OPRM1: variants seen among roughly 807,000 people sequenced by gnomAD.
The protein encoded by OPRM1 is opioid receptor mu 1, also known as mu-type opioid receptor.
In OPRM1, 27 loss-of-function variants were observed where a neutral mutation model predicts 31.8. The observed-to-expected ratio is 0.85, with a 90% CI of 0.63 to 1.17. The LOEUF (loss-of-function observed/expected upper bound fraction) is 1.17. OPRM1 is among the 50% of genes most tolerant of loss of function. OPRM1 has a pLI of 0.00. For missense variants in OPRM1, 536 were observed against 511.1 expected, an observed-to-expected ratio of 1.05 and a Z score of -0.47; for synonymous variants, 196 against 189.9, an observed-to-expected ratio of 1.03 and a Z score of -0.26.
chr6:154,186,897 C>T (rs1027420610), intron 3 of OPRM1, among the ~76,000 whole-genome samples: 2 of 152,122 alleles, frequency 1.3e-5, no homozygotes, highest in Non-Finnish European at 2.9e-5. Flanking sequence ...GGCACCGCTC[C>T]TCCCTGCAGA....
intron 3 of OPRM1, among the ~76,000 whole-genome samples, chr6:154,101,300 T>C (rs1304604388): frequency 6.6e-6 from 1 of 152,154 alleles, no homozygotes; most frequent in Non-Finnish European, 1.5e-5. Flanking sequence ...GGTGTTCTTA[T>C]ATTCAAAATT....
At chr6:154,066,979 C>G (rs545284939) in intron 1 of OPRM1, among the ~76,000 whole-genome samples, 1 of 152,220 alleles carries the variant, frequency 6.6e-6, no homozygotes, top group East Asian at 1.9e-4. Flanking sequence ...ATAGAACTCT[C>G]TTGTAAACAT....
chr6:154,014,438 T>C (rs1314921509), intron 1 of OPRM1, among the ~76,000 whole-genome samples: 2 of 152,062 alleles, frequency 1.3e-5, no homozygotes, highest in African/African-American at 2.4e-5. Flanking sequence ...AAAAAGTGAA[T>C]ATTAAGAGCC....
intron 3 of OPRM1, among the ~76,000 whole-genome samples, chr6:154,163,521 A>C (rs187408581): frequency 6.6e-6 from 1 of 152,274 alleles, no homozygotes; most frequent in African/African-American, 2.4e-5. Flanking sequence ...TTTAATAGTC[A>C]ATTATGTTTG....
chr6:154,070,310 G>A (rs1370763269), intron 1 of OPRM1, among the ~76,000 whole-genome samples: 1 of 152,170 alleles, frequency 6.6e-6, no homozygotes. Flanking sequence ...GCATTCCCCT[G>A]GAAGTTGCAA....
At chr6:154,033,469 G>T (rs974533172) in intron 1 of OPRM1, among the ~76,000 whole-genome samples, 1 of 152,144 alleles carries the variant, frequency 6.6e-6, no homozygotes, top group East Asian at 1.9e-4. Context: ...GAATTAAAGC[G>T]CTGGAAAAGT....
At chr6:154,191,157 A>G (rs959804828) in intron 3 of OPRM1, among the ~76,000 whole-genome samples, 3 of 152,218 alleles carry the variant, frequency 2.0e-5, no homozygotes, top group Non-Finnish European at 4.4e-5. Context: ...TACATACCAT[A>G]TAATTGCAAC....
chr6:154,149,562 A>G (rs1798441734), intron 3 of OPRM1, among the ~76,000 whole-genome samples: 2 of 151,930 alleles, frequency 1.3e-5, no homozygotes, highest in East Asian at 1.9e-4. Context: ...CTTTTGAAGC[A>G]GCTGACCTCA....
intron 3 of OPRM1, among the ~76,000 whole-genome samples, chr6:154,101,015 T>C (rs1349059318): frequency 6.6e-6 from 1 of 150,994 alleles, no homozygotes; most frequent in Non-Finnish European, 1.5e-5. Flanking sequence ...AGTAAATGAT[T>C]TATTATGATG....
At chr6:154,246,243 G>C (rs1450272184) in intron 3 of OPRM1, among the ~76,000 whole-genome samples, 1 of 152,138 alleles carries the variant, frequency 6.6e-6, no homozygotes, top group Non-Finnish European at 1.5e-5. Context: ...ACTATGTAAA[G>C]GTGCCATGTT....
At chr6:154,100,084 T>C (rs1794445158) in intron 3 of OPRM1, among the ~76,000 whole-genome samples, 1 of 105,206 alleles carries the variant, frequency 9.5e-6, no homozygotes, top group Non-Finnish European at 1.8e-5. Context: ...TATCATATTA[T>C]ATATTATCAT....
intron 1 of OPRM1, among the ~76,000 whole-genome samples, chr6:154,071,607 A>G (rs968697638): frequency 2.0e-5 from 3 of 152,382 alleles, no homozygotes; most frequent in Admixed American, 2.0e-4. Context: ...CAAAACACCC[A>G]GGGATTTCAG....
rs1020490940 is a variant in OPRM1 at position 154,123,208 on chromosome 6, C to T, written c.*4487C>T. Among the ~76,000 whole-genome samples the T allele has an allele frequency of 2.0e-5, 3 of 152,166 alleles. No homozygotes were observed. Among genetic ancestry groups the T allele is most frequent in the African/African-American group, 2.4e-5 (1 of 41,446 alleles). ...CTATCTATGCAGCTATGGGGTGTCT[C>T]TAGGCGAGCACAAAGCATAGCTTCT... On this transcript the variant is annotated 3_prime_UTR_variant, in exon 4 of 4. Transcript: ENST00000330432.
At chr6:154,185,351 C>A (rs1801245070) in intron 3 of OPRM1, among the ~76,000 whole-genome samples, 1 of 152,244 alleles carries the variant, frequency 6.6e-6, no homozygotes, top group Non-Finnish European at 1.5e-5. Flanking sequence ...CACAATGTAC[C>A]TTTCAAATAT....
chr6:154,107,984 T>C (rs1358222911), intron 3 of OPRM1: 2 of 609,136 alleles, frequency 3.3e-6, no homozygotes, highest in African/African-American at 3.8e-5. Context: ...TTTTATTTTA[T>C]TTTATTGCCA....
At chr6:154,063,998 G>T (rs1784882910) in intron 1 of OPRM1, among the ~76,000 whole-genome samples, 1 of 151,994 alleles carries the variant, frequency 6.6e-6, no homozygotes, top group Non-Finnish European at 1.5e-5. Context: ...CAATTTCTTT[G>T]GGTATTTGGA....
intron 1 of OPRM1, among the ~76,000 whole-genome samples, chr6:154,011,928 A>G (rs867840334): frequency 1.5e-4 from 23 of 152,180 alleles, no homozygotes; most frequent in Admixed American, 1.4e-3. Flanking sequence ...CTACTTTCCA[A>G]TGAATTCAAG....
chr6:154,109,527 C>A (rs1205895702), intron 3 of OPRM1, among the ~76,000 whole-genome samples: 1 of 152,064 alleles, frequency 6.6e-6, no homozygotes, highest in African/African-American at 2.4e-5. Flanking sequence ...TGAGATAATT[C>A]AGATGTTAAG....
At chr6:154,082,722 C>T (rs1362575428) in intron 1 of OPRM1, among the ~76,000 whole-genome samples, 2 of 152,298 alleles carry the variant, frequency 1.3e-5, no homozygotes, top group African/African-American at 2.4e-5. Context: ...TATTTCTAAG[C>T]TCTAAATATC....
Sources: gnomAD v4.1 joint callset for allele counts (sites outside exome capture counted in the v4.1 genomes callset) on GRCh38, gnomAD v4.1.1 for gene constraint, MANE v1.5 for transcripts, NCBI Gene and HGNC (gene_info 2026-07-23, HGNC 2026-07-21) for gene names.